The following BPIFC variants were observed in gnomAD, a reference collection of about 807,000 sequenced individuals.
BPIFC encodes BPI fold-containing family C protein.
In BPIFC, 60 loss-of-function variants were observed where a neutral mutation model predicts 57.6. That is an observed-to-expected ratio of 1.04 (90% CI 0.85 to 1.29). The LOEUF (loss-of-function observed/expected upper bound fraction) is 1.29, where lower values mean the gene tolerates loss of function less well. Among genes scored for constraint, BPIFC ranks in the 50% most tolerant of loss-of-function variants. BPIFC has a pLI of 0.00. For missense variants in BPIFC, 581 were observed against 600.5 expected, an observed-to-expected ratio of 0.97 and a Z score of 0.34; for synonymous variants, 243 against 224.5, an observed-to-expected ratio of 1.08 and a Z score of -0.74.
At chr22:32,463,837 T>C (rs1244622799) in intron 1 of BPIFC, among the ~76,000 whole-genome samples, 1 of 152,184 alleles carries the variant, frequency 6.6e-6, no homozygotes, top group African/African-American at 2.4e-5. Context: ...ATTCATAGCA[T>C]GTCTTTTCCC....
chr22:32,460,887 T>C (rs1365384739), intron 2 of BPIFC, among the ~76,000 whole-genome samples: 1 of 152,204 alleles, frequency 6.6e-6, no homozygotes, highest in African/African-American at 2.4e-5. Context: ...GTGCCTGGGA[T>C]AGAGTGAGTG....
chr22:32,415,870 A>G (rs757147994), intron 16 of BPIFC, 45 bp downstream of exon 16: 3 of 1,379,078 alleles, frequency 2.2e-6, no homozygotes, highest in South Asian at 2.7e-5. Flanking sequence ...TTAGTCTACT[A>G]TAAAAAGAAA....
chr22:32,416,819 A>G (rs187588354), intron 15 of BPIFC, among the ~76,000 whole-genome samples: 12 of 152,300 alleles, frequency 7.9e-5, no homozygotes, highest in Non-Finnish European at 1.5e-4. Context: ...CATGGTTTCA[A>G]TCTCCTTAAC....
At chr22:32,432,649 T>A in intron 11 of BPIFC, 106 bp from the exon 12 acceptor site, 1 of 1,091,420 alleles carries the variant, frequency 9.2e-7, no homozygotes. Context: ...ATTGTGCAGT[T>A]AGAATAGAAA....
At chr22:32,433,057 G>T (rs1417063721) in intron 11 of BPIFC, among the ~76,000 whole-genome samples, 1 of 152,168 alleles carries the variant, frequency 6.6e-6, no homozygotes, top group African/African-American at 2.4e-5. Context: ...AGAAAAATTA[G>T]CTGGGCATAG....
chr22:32,431,531 T>C (rs1456972090), intron 12 of BPIFC, 117 bp from the exon 13 acceptor site: 2 of 693,152 alleles, frequency 2.9e-6, no homozygotes, highest in South Asian at 1.9e-5. Context: ...TGTAAAGACA[T>C]TGGAAGTCTA....
chr22:32,428,908 C>A (rs988778533), intron 13 of BPIFC, among the ~76,000 whole-genome samples: 3 of 150,716 alleles, frequency 2.0e-5, no homozygotes, highest in African/African-American at 7.4e-5. Flanking sequence ...CAAAAAAAAA[C>A]AAAATTATAT....
At chr22:32,433,114 G>C (rs1208379917) in intron 11 of BPIFC, among the ~76,000 whole-genome samples, 1 of 152,240 alleles carries the variant, frequency 6.6e-6, no homozygotes, top group South Asian at 2.1e-4. Context: ...GAGTTGGGAG[G>C]ATCACTTGAG....
chr22:32,462,821 TTTG>T (rs1389617812), intron 1 of BPIFC, among the ~76,000 whole-genome samples: 1 of 152,214 alleles, frequency 6.6e-6, no homozygotes, highest in African/African-American at 2.4e-5. Context: ...CATTTTCCTT[TTTG>T]TTGTTGTTGT....
intron 8 of BPIFC, among the ~76,000 whole-genome samples, chr22:32,440,029 C>T (rs186373572): frequency 6.6e-6 from 1 of 152,300 alleles, no homozygotes; most frequent in East Asian, 1.9e-4. Flanking sequence ...AAAGCTAGAA[C>T]ATGGTGATCC....
intron 13 of BPIFC, among the ~76,000 whole-genome samples, chr22:32,423,241 C>A (rs1024665430): frequency 1.3e-5 from 2 of 152,140 alleles, no homozygotes; most frequent in African/African-American, 4.8e-5. Flanking sequence ...TATTAAAGGA[C>A]CCTTTTGATG....
chr22:32,458,309 T>G (rs1276375630), intron 2 of BPIFC, among the ~76,000 whole-genome samples: 3 of 152,196 alleles, frequency 2.0e-5, no homozygotes, highest in Non-Finnish European at 4.4e-5. Context: ...ATTTGCTGTT[T>G]CCTCTTCCTG....
intron 4 of BPIFC, among the ~76,000 whole-genome samples, chr22:32,450,093 TAC>T (rs59948938): frequency 0.013 from 1,905 of 145,546 alleles, 11 homozygotes; most frequent in Non-Finnish European, 0.015. Flanking sequence ...TCAAAGAGCA[TAC>T]ACACACACAC....
intron 10 of BPIFC, among the ~76,000 whole-genome samples, chr22:32,434,092 A>ATC (rs1414080133): frequency 6.7e-6 from 1 of 149,656 alleles, no homozygotes; most frequent in Non-Finnish European, 1.5e-5. Context: ...TTATATATAT[A>ATC]TATATCTATA....
intron 13 of BPIFC, among the ~76,000 whole-genome samples, chr22:32,420,092 C>T (rs979804886): frequency 2.0e-5 from 3 of 151,848 alleles, no homozygotes; most frequent in Admixed American, 6.6e-5. Context: ...CCGAGGCGGG[C>T]GGATCATGAG....
At chr22:32,439,593 C>T (rs1934507977) in intron 8 of BPIFC, among the ~76,000 whole-genome samples, 1 of 150,058 alleles carries the variant, frequency 6.7e-6, no homozygotes, top group African/African-American at 2.5e-5. Context: ...TTATCCTAAG[C>T]CACCATAGTT....
intron 13 of BPIFC, among the ~76,000 whole-genome samples, chr22:32,420,057 C>CAT (rs1329693828): frequency 1.8e-4 from 27 of 152,086 alleles, no homozygotes; most frequent in Non-Finnish European, 2.9e-4. Context: ...GTGGCTCAAG[C>CAT]CTGTAATCCC....
rs796918402 is a variant in BPIFC at position 32,429,522 on chromosome 22, T to G, written c.1217+1825A>C. Among the ~76,000 whole-genome samples, 149 of 135,952 alleles carry G rather than the reference T, an allele frequency of 1.1e-3. 3 individuals are homozygous for G. Among genetic ancestry groups the G allele is most frequent in the Middle Eastern group, 4.1e-3 (1 of 242 alleles). The allele number at this position is 135,952 out of a possible 152,430, so 89.2% of individuals were successfully genotyped here. ...CAACTGGCCTTTGTTTTTTTTTTTT[T>G]TTTTTTTTTTTTTTCATGAAGTCCC... On this transcript the variant is annotated intron_variant, in intron 13 of 16. Coordinates refer to ENST00000300399, the MANE Select transcript of BPIFC (RefSeq NM_174932.3).
At chr22:32,442,872 T>G in intron 7 of BPIFC, 141 bp from the exon 8 acceptor site, 2 of 786,500 alleles carry the variant, frequency 2.5e-6, no homozygotes, top group Non-Finnish European at 4.1e-6. Context: ...TCTCTTAAAT[T>G]TGTTGATGTC....
Sources: allele counts gnomAD v4.1 joint callset (sites outside exome capture counted in the v4.1 genomes callset), GRCh38; gene constraint gnomAD v4.1.1; transcripts MANE v1.5; gene names NCBI Gene and HGNC (gene_info 2026-07-23, HGNC 2026-07-21).